The following RCAN1 variants were observed in gnomAD, a reference collection of about 807,000 sequenced individuals.
The protein encoded by RCAN1 is calcipressin-1.
A neutral mutation model predicts 22.9 loss-of-function variants in RCAN1; 11 were observed. That is an observed-to-expected ratio of 0.48 (90% CI 0.30 to 0.79). The LOEUF (loss-of-function observed/expected upper bound fraction) is 0.79, where lower values mean the gene tolerates loss of function less well. Ranked by LOEUF, RCAN1 falls within the 30% of genes least tolerant of loss-of-function variation. The pLI is 0.06. For synonymous variants in RCAN1, 136 were observed against 142.3 expected, an observed-to-expected ratio of 0.96 and a Z score of 0.32; for missense variants, 291 against 337.8, an observed-to-expected ratio of 0.86 and a Z score of 1.09.
chr21:34,614,945 G>A lies in RCAN1; in HGVS notation c.67C>T (p.Arg23Ter). The change falls in exon 1 of 4, where the codon CGA (arginine) becomes TGA (stop). Residue 23 changes from arginine (R) to a stop codon, truncating the protein, a stop_gained. Transcript: ENST00000313806. LOFTEE classifies it high-confidence loss of function. The surrounding 1 kb of genome is among the most constrained non-coding windows in gnomAD (Gnocchi z 6.0). ...AAEAAEAAEA[R>*]ARPGVTLRPF... Reference sequence around the variant, plus strand: ...CGCAGCGTCACCCCGGGCCGCGCTCGCGCCTCGGCCGCCTCCGCCGCCTCC... The same window carrying A: ...CGCAGCGTCACCCCGGGCCGCGCTCACGCCTCGGCCGCCTCCGCCGCCTCC... The A allele has an allele frequency of 8.3e-6, 10 of 1,203,832 alleles. No individual in the cohort carries two copies. Among genetic ancestry groups the A allele is most frequent in the Non-Finnish European group, 1.0e-5 (10 of 971,786 alleles). 74.6% of individuals were successfully genotyped at this position (1,203,832 alleles called of 1,614,324 possible).
At chr21:34,534,980 A>C (rs966962335) in intron 1 of RCAN1, among the ~76,000 whole-genome samples, 2 of 152,204 alleles carry the variant, frequency 1.3e-5, no homozygotes, top group Non-Finnish European at 2.9e-5. Context: ...CCCCATGACA[A>C]GAGGAAGAGC....
In RCAN1 at chr21:34,523,608, C is replaced by T. The variant is rs1568882410; in HGVS notation, c.355G>A (p.Ala119Thr). ...VRINFSNPFS[A>T]ADARLQLHKT... ...TGCAGCTGGAGCCTGGCATCTGCTG[C>T]GGAGAAGGGGTTGCTGAAGTTTATT... The change falls in exon 2 of 4, where the codon GCA becomes ACA. Residue 119 changes from alanine to threonine, a missense_variant. Coordinates refer to ENST00000313806, the MANE Select transcript of RCAN1 (RefSeq NM_004414.7). The T allele has an allele frequency of 2.5e-6, 4 of 1,614,096 alleles. No homozygotes were observed. Among genetic ancestry groups the T allele is most frequent in the Admixed American group, 1.7e-5 (1 of 60,028 alleles).
intron 1 of RCAN1, among the ~76,000 whole-genome samples, chr21:34,544,485 T>C (rs1448231744): frequency 6.6e-6 from 1 of 152,164 alleles, no homozygotes; most frequent in African/African-American, 2.4e-5. Flanking sequence ...CTTGTTAACC[T>C]TGAGCAGAGA....
chr21:34,563,794 T>TATATAGAG (rs765741781), intron 1 of RCAN1, among the ~76,000 whole-genome samples: 12 of 48,716 alleles, frequency 2.5e-4, no homozygotes, highest in African/African-American at 7.5e-4. Context: ...TATATATATA[T>TATATAGAG]AGAGAGAGAG....
intron 1 of RCAN1, among the ~76,000 whole-genome samples, chr21:34,530,616 GTTTTTTTTTTTTTTT>G (rs59150851): frequency 0.015 from 996 of 66,270 alleles, 28 homozygotes; most frequent in African/African-American, 0.052. Context: ...TAGTGAAATA[GTTTTTTTTTTTTTTT>G]TTTTTTTTTT....
rs532762139 is a variant in RCAN1 at position 34,520,149 on chromosome 21, T to G, written c.586+1350A>C. 2.9e-4 allele frequency among the ~76,000 whole-genome samples: 44 copies of G among 152,350 alleles called. 1 individual carries two copies. Among genetic ancestry groups the G allele is most frequent in the African/African-American group, 1.0e-3 (42 of 41,574 alleles). On this transcript the variant is annotated intron_variant, in intron 3 of 3. Coordinates refer to ENST00000313806, the MANE Select transcript of RCAN1 (RefSeq NM_004414.7). ...TATGAAATCTCACTCAAGCTCACTG[T>G]TAAGTGAACCAAGGACAAACTGATT...
intron 1 of RCAN1, among the ~76,000 whole-genome samples, chr21:34,546,568 A>G (rs904183344): frequency 6.6e-6 from 1 of 152,198 alleles, no homozygotes; most frequent in African/African-American, 2.4e-5. Context: ...CATGAACAAG[A>G]AAACAATCGC....
At chr21:34,566,286 A>C (rs1044356631) in intron 1 of RCAN1, among the ~76,000 whole-genome samples, 1 of 152,184 alleles carries the variant, frequency 6.6e-6, no homozygotes, top group Non-Finnish European at 1.5e-5. Context: ...AGACCCACTC[A>C]ATATTCCAGG....
intron 1 of RCAN1, among the ~76,000 whole-genome samples, chr21:34,561,157 C>T (rs771315795): frequency 6.6e-6 from 1 of 152,188 alleles, no homozygotes; most frequent in Non-Finnish European, 1.5e-5. Context: ...TTGTAAGTTT[C>T]CTGAGGCCTC....
chr21:34,567,121 T>C (rs567143812), intron 1 of RCAN1, among the ~76,000 whole-genome samples: 3 of 130,116 alleles, frequency 2.3e-5, no homozygotes, highest in Non-Finnish European at 5.0e-5. Context: ...CCTGCTGTGG[T>C]TCTATGTAAA....
At chr21:34,559,733 G>A (rs554009499) in intron 1 of RCAN1, 1 of 152,300 alleles carries the variant, frequency 6.6e-6, no homozygotes, top group African/African-American at 2.4e-5. Context: ...CTAAAACCTG[G>A]AGAGGATATA....
chr21:34,604,553 A>T (rs923908917), intron 1 of RCAN1, among the ~76,000 whole-genome samples: 2 of 152,234 alleles, frequency 1.3e-5, no homozygotes, highest in African/African-American at 4.8e-5. Context: ...CTCTCTAGCC[A>T]CATGCTGGAC....
intron 1 of RCAN1, among the ~76,000 whole-genome samples, chr21:34,597,702 T>A (rs879802249): frequency 2.0e-5 from 3 of 152,326 alleles, no homozygotes; most frequent in Middle Eastern, 6.8e-3. Context: ...GCCTCTATAA[T>A]GTTGAAATAC....
chr21:34,573,118 G>A (rs1487282288), intron 1 of RCAN1, among the ~76,000 whole-genome samples: 1 of 152,124 alleles, frequency 6.6e-6, no homozygotes, highest in African/African-American at 2.4e-5. Flanking sequence ...TATTCTCTTG[G>A]GTGAAATGTT....
intron 1 of RCAN1, chr21:34,525,410 T>A: frequency 7.0e-7 from 1 of 1,429,316 alleles, no homozygotes; most frequent in Non-Finnish European, 9.2e-7. Context: ...GACGGTAGAG[T>A]TCATCTGGCC....
intron 1 of RCAN1, among the ~76,000 whole-genome samples, chr21:34,593,528 T>C (rs530400323): frequency 1.1e-4 from 16 of 152,376 alleles, no homozygotes; most frequent in African/African-American, 3.1e-4. Context: ...TGCCACCTTT[T>C]GCATTTACTG....
At chr21:34,585,750 A>G (rs886274633) in intron 1 of RCAN1, among the ~76,000 whole-genome samples, 2 of 150,870 alleles carry the variant, frequency 1.3e-5, no homozygotes, top group Admixed American at 6.6e-5. Flanking sequence ...CTCAAAAAAA[A>G]AAAAAAAAAA....
intron 1 of RCAN1, among the ~76,000 whole-genome samples, chr21:34,605,021 T>C (rs1431054075): frequency 6.6e-6 from 1 of 152,206 alleles, no homozygotes; most frequent in Non-Finnish European, 1.5e-5. Flanking sequence ...ATTACATATA[T>C]GTGATAGTTA....
intron 1 of RCAN1, among the ~76,000 whole-genome samples, chr21:34,536,291 C>G (rs554210037): frequency 6.6e-6 from 1 of 152,232 alleles, no homozygotes; most frequent in South Asian, 2.1e-4. Flanking sequence ...TATTTGTTCT[C>G]TCTTTCCAGA....
Sources: allele counts gnomAD v4.1 joint callset (sites outside exome capture counted in the v4.1 genomes callset), GRCh38; gene constraint gnomAD v4.1.1; non-coding constraint Gnocchi (gnomAD v3.1); transcripts MANE v1.5; gene names NCBI Gene and HGNC (gene_info 2026-07-23, HGNC 2026-07-21).